The following SHANK2 variants were observed in gnomAD, a reference collection of about 807,000 sequenced individuals.
SHANK2 encodes the protein SH3 and multiple ankyrin repeat domains protein 2.
A neutral mutation model predicts 133.7 loss-of-function variants in SHANK2; 43 were observed. That is an observed-to-expected ratio of 0.32 (90% CI 0.25 to 0.41). SHANK2 has a LOEUF of 0.41. SHANK2 is among the 10% of genes least tolerant of loss of function. The pLI is 1.00. For missense variants in SHANK2, 1,994 were observed against 2,235.8 expected, an observed-to-expected ratio of 0.89 and a Z score of 2.18; for synonymous variants, 1,017 against 952.8, an observed-to-expected ratio of 1.07 and a Z score of -1.24.
intron 17 of SHANK2, among the ~76,000 whole-genome samples, chr11:70,530,636 A>C (rs1302398728): frequency 6.6e-6 from 1 of 152,216 alleles, no homozygotes; most frequent in Non-Finnish European, 1.5e-5. Flanking sequence ...CAGACACAGA[A>C]GGACTAATAC....
intron 14 of SHANK2, among the ~76,000 whole-genome samples, chr11:70,702,699 A>G (rs1945563709): frequency 6.6e-6 from 1 of 152,256 alleles, no homozygotes. Flanking sequence ...ATCTCATTTC[A>G]TTAAAAGTAA....
At chr11:70,793,231 T>C (rs1947833735) in intron 14 of SHANK2, among the ~76,000 whole-genome samples, 1 of 152,180 alleles carries the variant, frequency 6.6e-6, no homozygotes, top group African/African-American at 2.4e-5. Flanking sequence ...AAATATAGAT[T>C]GAAAACACAA....
chr11:70,548,535 C>T (rs896852521), intron 17 of SHANK2, among the ~76,000 whole-genome samples: 2 of 152,206 alleles, frequency 1.3e-5, no homozygotes, highest in Admixed American at 1.3e-4. Flanking sequence ...ATGGAGCCCA[C>T]TCTCTGTCCT....
intron 14 of SHANK2, among the ~76,000 whole-genome samples, chr11:70,790,818 G>T (rs1308226403): frequency 5.3e-5 from 8 of 152,176 alleles, no homozygotes; most frequent in Non-Finnish European, 1.0e-4. Flanking sequence ...CAGCATCCAG[G>T]TTCCCTCCAC....
chr11:71,062,115 C>A (rs954058866), intron 9 of SHANK2, among the ~76,000 whole-genome samples: 54,119 of 151,378 alleles, frequency 0.36, 10,932 homozygotes, highest in Non-Finnish European at 0.44. Context: ...GCCACCATGC[C>A]GGGCTAATTT....
intron 17 of SHANK2, among the ~76,000 whole-genome samples, chr11:70,586,014 G>C (rs947583479): frequency 5.3e-5 from 8 of 152,142 alleles, no homozygotes; most frequent in Non-Finnish European, 1.0e-4. Context: ...CTGGGAAAAA[G>C]ACCGATTCAA....
At position 70,817,803 on chromosome 11, in the gene SHANK2, C is replaced by T. The variant is rs180674683; in HGVS notation, c.1493+2561G>A. On this transcript the variant is annotated intron_variant, in intron 12 of 25. Coordinates refer to ENST00000601538, the MANE Select transcript of SHANK2 (RefSeq NM_012309.5). ...AGGCCGGAGTGCAGTGGTGCCATCTCAGCTCACTGCAACCTCCGCCTCCCA... is the reference window on the plus strand; with the variant it reads ...AGGCCGGAGTGCAGTGGTGCCATCTTAGCTCACTGCAACCTCCGCCTCCCA... Among the ~76,000 whole-genome samples the T allele has an allele frequency of 6.4e-4, 98 of 152,342 alleles. 1 individual carries two copies. Among genetic ancestry groups the T allele is most frequent in the Middle Eastern group, 6.8e-3 (2 of 294 alleles).
intron 15 of SHANK2, among the ~76,000 whole-genome samples, chr11:70,694,784 T>C (rs1378873977): frequency 6.6e-6 from 1 of 152,128 alleles, no homozygotes; most frequent in Non-Finnish European, 1.5e-5. Context: ...GACCTACTCA[T>C]CTCTGTCCAC....
chr11:71,182,915 A>C (rs978580480), intron 2 of SHANK2, among the ~76,000 whole-genome samples: 4 of 152,134 alleles, frequency 2.6e-5, no homozygotes, highest in Admixed American at 2.6e-4. Flanking sequence ...GCCTCTCTGC[A>C]TCACAGTGTG....
intron 3 of SHANK2, among the ~76,000 whole-genome samples, chr11:71,135,702 T>C (rs2135354976): frequency 6.6e-6 from 1 of 152,114 alleles, no homozygotes; most frequent in East Asian, 1.9e-4. Context: ...GTGATCCACC[T>C]GCCTCAGCCT....
chr11:70,887,949 A>C (rs1395584321), intron 11 of SHANK2, among the ~76,000 whole-genome samples: 1 of 152,182 alleles, frequency 6.6e-6, no homozygotes, highest in African/African-American at 2.4e-5. Context: ...ATGAGCCAAC[A>C]GCCTCAGGCT....
intron 17 of SHANK2, among the ~76,000 whole-genome samples, chr11:70,570,212 C>T (rs540078099): frequency 4.9e-4 from 75 of 152,348 alleles, no homozygotes; most frequent in Middle Eastern, 6.8e-3. Context: ...CACGCCGACC[C>T]GCAGGAGTCC....
intron 14 of SHANK2, among the ~76,000 whole-genome samples, chr11:70,772,178 G>A (rs1021227129): frequency 3.3e-5 from 5 of 152,230 alleles, no homozygotes; most frequent in East Asian, 3.9e-4. Context: ...GGTGCCTCAC[G>A]CCTGAAATCC....
intron 14 of SHANK2, among the ~76,000 whole-genome samples, chr11:70,753,811 AGT>A (rs1555037997): frequency 2.8e-5 from 4 of 144,810 alleles, no homozygotes; most frequent in Non-Finnish European, 3.0e-5. Context: ...AAAGATATTA[AGT>A]GTGTGTGTGT....
chr11:70,468,579 A>G lies in SHANK2; in HGVS notation c.*4290T>C, dbSNP rs189476484. ...TTCAAGTAAAAGAAAAAATCTTCCA[A>G]TAATTTTCCTAGTAAGGTAAACGAA... is the stretch of plus-strand genomic sequence containing the variant. On this transcript the variant is annotated 3_prime_UTR_variant, in exon 26 of 26. Transcript: ENST00000601538. The G allele has an allele frequency of 1.3e-5, 2 of 152,338 alleles. No individual in the cohort carries two copies. The highest frequency in any genetic ancestry group is 6.5e-5 in the Admixed American group (1 of 15,308). 9.4% of individuals were successfully genotyped at this position (152,338 alleles called of 1,614,324 possible).
chr11:70,711,154 G>T (rs1945773616), intron 14 of SHANK2, among the ~76,000 whole-genome samples: 1 of 152,174 alleles, frequency 6.6e-6, no homozygotes, highest in Admixed American at 6.5e-5. Context: ...TCTGGGGCGG[G>T]GTGGGGTCCC....
At chr11:70,643,404 A>G (rs1469539373) in intron 17 of SHANK2, among the ~76,000 whole-genome samples, 2 of 152,080 alleles carry the variant, frequency 1.3e-5, no homozygotes, top group Non-Finnish European at 2.9e-5. Context: ...TCTACTAAAA[A>G]TACAAAAAAA....
At chr11:71,160,797 C>T (rs1565487059) in intron 2 of SHANK2, among the ~76,000 whole-genome samples, 2 of 152,266 alleles carry the variant, frequency 1.3e-5, no homozygotes, top group Non-Finnish European at 2.9e-5. Flanking sequence ...CTGCAGAAAC[C>T]AGGAAAATCC....
At chr11:70,538,474 T>G (rs961148318) in intron 17 of SHANK2, among the ~76,000 whole-genome samples, 3 of 152,180 alleles carry the variant, frequency 2.0e-5, no homozygotes, top group Non-Finnish European at 4.4e-5. Flanking sequence ...ATGGCTCATA[T>G]GGTATTCTGG....
Sources: allele counts gnomAD v4.1 joint callset (sites outside exome capture counted in the v4.1 genomes callset), GRCh38; gene constraint gnomAD v4.1.1; transcripts MANE v1.5; gene names NCBI Gene and HGNC (gene_info 2026-07-23, HGNC 2026-07-21).